The following MED25 variants were observed in gnomAD, a reference collection of about 807,000 sequenced individuals.
The protein encoded by MED25 is mediator of RNA polymerase II transcription subunit 25.
In MED25, 62 loss-of-function variants were observed where a neutral mutation model predicts 89.4. That is an observed-to-expected ratio of 0.69 (90% CI 0.57 to 0.86). MED25 has a LOEUF of 0.86. MED25 is among the 40% of genes least tolerant of loss of function. The pLI, the probability that MED25 is intolerant of heterozygous loss-of-function variation, is 0.00. For synonymous variants in MED25, 449 were observed against 427.9 expected (o/e 1.05, Z -0.61); for missense variants, 905 against 1,005.2 (o/e 0.90, Z 1.35).
chr19:49,830,794 C>T lies in MED25; in HGVS notation c.1008C>T (p.Pro336=). ...PQLPPGPPGA[P]KPPPASQPSL... ...TACCCCCAGGACCCCCTGGCGCCCC[C>T]AAGCCACCACCTGCTTCCCAGCCCA... Residue 336 remains proline (P), a synonymous_variant, in exon 9 of 18, where the codon CCC becomes CCT. Transcript: ENST00000312865. The surrounding 1 kb of genome is among the most constrained non-coding windows in gnomAD (Gnocchi z 4.6). 1 of 1,613,406 alleles carries T rather than the reference C, an allele frequency of 6.2e-7. No homozygotes were observed. Among genetic ancestry groups the T allele is most frequent in the Non-Finnish European group, 8.5e-7 (1 of 1,179,776 alleles).
rs1435197037 is a variant in MED25, at chr19:49,818,384, G to T, written c.43G>T (p.Val15Leu). 4 of 1,612,500 alleles carry T rather than the reference G, an allele frequency of 2.5e-6. No individual in the cohort carries two copies. Among genetic ancestry groups the T allele is most frequent in the Non-Finnish European group, 2.5e-6 (3 of 1,179,420 alleles). The change falls in exon 1 of 18, where the codon GTG (valine) becomes TTG (leucine). Residue 15 changes from valine (V) to leucine (L), a missense_variant. Physicochemically the swap from Val to Leu is conservative, Grantham distance 32. Around this residue, in one of 3 missense-constraint regions of MED25, gnomAD observed 501 missense variants for 526.9 expected, o/e 0.95. Transcript: ENST00000312865. ...GGGCCCGGCCCGCGCCGGGAGCGTG[G>T]TGGCCGACGTGGTGTTTGTGATTGA... ...SEGPARAGSV[V>L]ADVVFVIEGT...
In MED25 at chr19:49,834,207, T is replaced by C. The variant is rs1422827277; in HGVS notation, c.1483-779T>C. On this transcript the variant is annotated intron_variant, in intron 13 of 17. Transcript: ENST00000312865. The surrounding 1 kb of genome is among the most constrained non-coding windows in gnomAD (Gnocchi z 4.1). The stretch of plus-strand genomic sequence containing the variant: ...TTGATGGGAGGCTGCTGGGAGCAGG[T>C]ATCCGTGACTGTCTGGGGCTGGGAC... 1 of 152,158 alleles carries C rather than the reference T, an allele frequency of 6.6e-6. No individual in the cohort carries two copies. The highest frequency in any genetic ancestry group is 1.5e-5 in the Non-Finnish European group (1 of 68,042). The allele number at this position is 152,158 out of a possible 1,614,324, so 9.4% of individuals were successfully genotyped here.
rs2074058384 is a variant in MED25 at position 49,831,628 on chromosome 19, G to C, written c.1230+167G>C. 6.6e-6 allele frequency among the ~76,000 whole-genome samples: 1 copy of C among 152,202 alleles called. No homozygotes were observed. Among genetic ancestry groups the C allele is most frequent in the African/African-American group, 2.4e-5 (1 of 41,460 alleles). The stretch of plus-strand genomic sequence containing the variant: ...GCGAGGCCAGGAGCCCCATGGAGTG[G>C]TGGGACTTGCGGTACAGAGGAGAGT... On this transcript the variant is annotated intron_variant, in intron 10 of 17. Coordinates refer to ENST00000312865, the MANE Select transcript of MED25 (RefSeq NM_030973.4). This position sits in a 1 kb window ranked among gnomAD's most constrained non-coding sequence, Gnocchi z 5.0.
At position 49,836,349 on chromosome 19, in the gene MED25, C is replaced by T; in HGVS notation, c.2089C>T (p.His697Tyr). The T allele has an allele frequency of 6.2e-7, 1 of 1,609,420 alleles. No individual in the cohort carries two copies. Among genetic ancestry groups the T allele is most frequent in the Non-Finnish European group, 8.5e-7 (1 of 1,178,326 alleles). ...GCCCCAGTTGGGGCCCCCACTCCTG[C>T]ATCCACCACCTGCCCAGTCCTGGCC... ...GQPQLGPPLL[H>Y]PPPAQSWPAQ... is the part of the protein sequence containing the mutation. The change falls in exon 17 of 18, where the codon CAT becomes TAT. Residue 697 changes from histidine (H) to tyrosine (Y), a missense_variant. Coordinates refer to ENST00000312865, the MANE Select transcript of MED25 (RefSeq NM_030973.4). This position sits in a 1 kb window ranked among gnomAD's most constrained non-coding sequence, Gnocchi z 5.1.
At chr19:49,832,073 T>C in intron 11 of MED25, 27 bp from the exon 12 acceptor site, 1 of 1,613,818 alleles carries the variant, frequency 6.2e-7, no homozygotes, top group Non-Finnish European at 8.5e-7. Context: ...GGCCCCCTCC[T>C]CACACCTCTC....
At chr19:49,820,130 C>T (rs889347904) in intron 3 of MED25, among the ~76,000 whole-genome samples, 5 of 151,910 alleles carry the variant, frequency 3.3e-5, no homozygotes, top group Admixed American at 6.6e-5. Context: ...GCCACTGTTG[C>T]GGGATTCAGG....
chr19:49,828,476 C>T lies in MED25; in HGVS notation c.333C>T (p.Cys111=), dbSNP rs746399445. The part of the protein sequence containing the change: ...IKFMGGGGES[C]SLIAEGLSTA... ...TCATGGGCGGGGGTGGTGAGAGCTG[C>T]AGCCTCATCGCGGAAGGACTCAGCA... is the stretch of plus-strand genomic sequence containing the variant. The change falls in exon 4 of 18, where the codon TGC becomes TGT. Residue 111 remains cysteine (C), a synonymous_variant. Transcript: ENST00000312865. 1.9e-6 allele frequency: 3 copies of T among 1,614,086 alleles called. No individual in the cohort carries two copies. In the South Asian group the frequency reaches 3.3e-5, roughly 18 times the overall value.
At chr19:49,826,780 G>A (rs984467277) in intron 3 of MED25, among the ~76,000 whole-genome samples, 2 of 152,206 alleles carry the variant, frequency 1.3e-5, no homozygotes, top group Admixed American at 6.5e-5. Context: ...GATTCCATCC[G>A]GGCCGGAATG....
chr19:49,836,130 CT>C lies in MED25; in HGVS notation c.1966-95del. The C allele has an allele frequency of 6.6e-7, 1 of 1,526,710 alleles. No individual in the cohort carries two copies. Among genetic ancestry groups the C allele is most frequent in the Non-Finnish European group, 9.0e-7 (1 of 1,116,204 alleles). 94.6% of individuals were successfully genotyped at this position (1,526,710 alleles called of 1,614,324 possible). A position where few individuals can be genotyped will look rare whatever the true frequency, so the allele number is the denominator to read the frequency against. ...CCCCACCTTTGAAGAAAAACTTCCC[CT>C]CACCACTAGCTGATTCCATCTCTGA... On this transcript the variant is annotated intron_variant, in intron 16 of 17. Transcript: ENST00000312865. The surrounding 1 kb of genome is among the most constrained non-coding windows in gnomAD (Gnocchi z 5.1).
rs764481156 is a variant in MED25, at chr19:49,836,807, G to A, written c.2147-40G>A. ...CCTCTGGGCCCTCCTGGGCCCAAGGGCCTACTGGGAGATGCAGTCCCTTCC... is the reference window on the plus strand; with the variant it reads ...CCTCTGGGCCCTCCTGGGCCCAAGGACCTACTGGGAGATGCAGTCCCTTCC... On this transcript the variant is annotated intron_variant, in intron 17 of 17. Transcript: ENST00000312865. This position sits in a 1 kb window ranked among gnomAD's most constrained non-coding sequence, Gnocchi z 5.1. The A allele has an allele frequency of 2.0e-6, 3 of 1,523,736 alleles. No homozygotes were observed. The Admixed American group carries it at 5.1e-5, about 26-fold the overall frequency. 94.4% of individuals were successfully genotyped at this position (1,523,736 alleles called of 1,614,324 possible). A position where few individuals can be genotyped will look rare whatever the true frequency, so the allele number is the denominator to read the frequency against.
In MED25 at chr19:49,830,911, C is replaced by T. The variant is rs1219697237; in HGVS notation, c.1101+24C>T. ...TGGTAGGTGCCTGCACGCCTCCTGC[C>T]CCTGCTCCTTCCTCCTGCTGTCCAC... On this transcript the variant is annotated intron_variant, in intron 9 of 17. Coordinates refer to ENST00000312865, the MANE Select transcript of MED25 (RefSeq NM_030973.4). The surrounding 1 kb of genome is among the most constrained non-coding windows in gnomAD (Gnocchi z 4.6). The T allele has an allele frequency of 1.9e-6, 3 of 1,601,910 alleles. No homozygotes were observed. Among genetic ancestry groups the T allele is most frequent in the Non-Finnish European group, 2.5e-6 (3 of 1,177,196 alleles).
Position 49,829,077 on chromosome 19 carries a change from A to G in MED25, c.512A>G (p.Gln171Arg). The G allele has an allele frequency of 1.9e-6, 3 of 1,613,894 alleles. No homozygotes were observed. Among genetic ancestry groups the G allele is most frequent in the Non-Finnish European group, 2.5e-6 (3 of 1,179,878 alleles). The change falls in exon 5 of 18, where the codon CAG (glutamine) becomes CGG (arginine). Residue 171 changes from glutamine to arginine, a missense_variant. Physicochemically the swap from Gln to Arg is conservative, Grantham distance 43 (BLOSUM62 1). Coordinates refer to ENST00000312865, the MANE Select transcript of MED25 (RefSeq NM_030973.4). The surrounding 1 kb of genome is among the most constrained non-coding windows in gnomAD (Gnocchi z 4.6). ...YSGCTTENLV[Q>R]QIGERGIHFS... The stretch of plus-strand genomic sequence containing the variant: ...GGATGCACAACTGAGAATCTTGTGC[A>G]GCAGATTGGGGAGGTGAGGACTCCA...
chr19:49,818,998 G>A, intron 2 of MED25, 174 bp from the exon 3 acceptor site: 2 of 801,586 alleles, frequency 2.5e-6, no homozygotes, highest in Non-Finnish European at 4.1e-6. Flanking sequence ...CGGGGGCCTG[G>A]ATTCCTGGGT....
At chr19:49,819,080 G>A (rs1568618206) in intron 2 of MED25, 92 bp from the exon 3 acceptor site, 1 of 1,497,760 alleles carries the variant, frequency 6.7e-7, no homozygotes, top group Non-Finnish European at 9.2e-7. Context: ...TCCTGGTTCT[G>A]GAGGAACGGG....
intron 4 of MED25, 147 bp downstream of exon 4, chr19:49,828,694 G>A: frequency 2.2e-6 from 2 of 911,166 alleles, no homozygotes; most frequent in East Asian, 5.3e-5. Context: ...GGCTGCAGGT[G>A]TGTCCTTGGG....
At position 49,835,350 on chromosome 19, in the gene MED25, T is replaced by C. The variant is rs2074087811; in HGVS notation, c.1674+173T>C. ...TCTCTCTCCTTTTTCAGCATCCACA[T>C]CAAAGCCCTGACACAGCTTCCTCCT... On this transcript the variant is annotated intron_variant, in intron 14 of 17. Coordinates refer to ENST00000312865, the MANE Select transcript of MED25 (RefSeq NM_030973.4). This position sits in a 1 kb window ranked among gnomAD's most constrained non-coding sequence, Gnocchi z 6.2. 6.6e-6 allele frequency among the ~76,000 whole-genome samples: 1 copy of C among 152,130 alleles called. No homozygotes were observed. The highest frequency in any genetic ancestry group is 1.5e-5 in the Non-Finnish European group (1 of 68,024).
rs2074054252 is a variant in MED25, at chr19:49,831,214, TG to T, written c.1102-115del. ...TCCTGCGGCTGGCCAAGTGCTGTTC[TG>T]GGGATGGAGGGGCAGAAGAAGGGAT... is the stretch of plus-strand genomic sequence containing the variant. On this transcript the variant is annotated intron_variant, in intron 9 of 17. Coordinates refer to ENST00000312865, the MANE Select transcript of MED25 (RefSeq NM_030973.4). The surrounding 1 kb of genome is among the most constrained non-coding windows in gnomAD (Gnocchi z 5.0). The T allele has an allele frequency of 2.6e-6, 3 of 1,161,088 alleles. No homozygotes were observed. Among genetic ancestry groups the T allele is most frequent in the African/African-American group, 1.5e-5 (1 of 65,526 alleles). The allele number at this position is 1,161,088 out of a possible 1,614,324, so 71.9% of individuals were successfully genotyped here.
intron 3 of MED25, among the ~76,000 whole-genome samples, chr19:49,823,547 A>G (rs1041031355): frequency 3.7e-4 from 56 of 152,150 alleles, no homozygotes; most frequent in Admixed American, 6.6e-5. Context: ...TTGTTAGAAG[A>G]TCACAGGAGC....
At position 49,830,233 on chromosome 19, in the gene MED25, G is replaced by A. The variant is rs772300740; in HGVS notation, c.819+15G>A. 55 of 1,605,302 alleles carry A rather than the reference G, an allele frequency of 3.4e-5. No individual in the cohort carries two copies. The Admixed American group carries it at 7.9e-4, about 23-fold the overall frequency. ...CGCAGTACCAGGTATGGATATTTCC[G>A]GGAAGGGACATGCTTCTGGGGACTT... On this transcript the variant is annotated intron_variant, in intron 7 of 17. Transcript: ENST00000312865. This position sits in a 1 kb window ranked among gnomAD's most constrained non-coding sequence, Gnocchi z 4.6.
Sources: allele counts gnomAD v4.1 joint callset (sites outside exome capture counted in the v4.1 genomes callset), GRCh38; gene constraint gnomAD v4.1.1; regional missense constraint gnomAD v4.1.1; non-coding constraint Gnocchi (gnomAD v3.1); transcripts MANE v1.5; gene names NCBI Gene and HGNC (gene_info 2026-07-23, HGNC 2026-07-21).